Variants in UBR3 observed in about 807,000 individuals in gnomAD.
UBR3 encodes the protein ubiquitin protein ligase E3 component n-recognin 3.
Under a neutral mutation model 243.2 loss-of-function variants are expected in UBR3, and 85 were observed. That is an observed-to-expected ratio of 0.35 (90% CI 0.29 to 0.42). The LOEUF is 0.42. Among genes scored for constraint, UBR3 ranks in the 10% least tolerant of loss-of-function variants. UBR3 has a pLI of 1.00. For synonymous variants in UBR3, 748 were observed against 799.8 expected (o/e 0.94, Z 1.09); for missense variants, 1,686 against 2,300.8 (o/e 0.73, Z 5.47).
chr2:170,037,437 G>T (rs1001105895), intron 31 of UBR3, among the ~76,000 whole-genome samples: 13 of 151,992 alleles, frequency 8.6e-5, no homozygotes, highest in African/African-American at 3.1e-4. Context: ...ACCCAGGCTG[G>T]AATGCAGTGG....
At chr2:169,973,299 A>G (rs2088260907) in intron 24 of UBR3, among the ~76,000 whole-genome samples, 1 of 144,494 alleles carries the variant, frequency 6.9e-6, no homozygotes, top group Admixed American at 7.0e-5. Context: ...TTCCATGCTC[A>G]TGGGTAGGAA....
intron 1 of UBR3, among the ~76,000 whole-genome samples, chr2:169,841,954 T>C (rs959047357): frequency 2.6e-4 from 40 of 152,332 alleles, no homozygotes; most frequent in Non-Finnish European, 3.2e-4. Flanking sequence ...GCTCCACCTG[T>C]AGCCCCGGTG....
chr2:169,877,446 G>T (rs1163662714), intron 3 of UBR3, 48 bp from the exon 4 acceptor site: 6 of 1,481,158 alleles, frequency 4.1e-6, no homozygotes, highest in South Asian at 2.7e-5. Flanking sequence ...ACCATACTGA[G>T]ATTTTGAATG....
intron 20 of UBR3, among the ~76,000 whole-genome samples, chr2:169,945,687 T>C (rs1198560471): frequency 2.0e-5 from 3 of 152,250 alleles, no homozygotes; most frequent in African/African-American, 7.2e-5. Flanking sequence ...TGGTCTGTTA[T>C]ATCATATTGA....
chr2:169,926,156 C>G (rs1266088597), intron 14 of UBR3, among the ~76,000 whole-genome samples: 1 of 152,180 alleles, frequency 6.6e-6, no homozygotes, highest in East Asian at 1.9e-4. Flanking sequence ...TAGATAAAGA[C>G]AGTGGTTGGC....
At chr2:170,004,571 G>A (rs2089837625) in intron 27 of UBR3, among the ~76,000 whole-genome samples, 3 of 152,132 alleles carry the variant, frequency 2.0e-5, no homozygotes, top group Non-Finnish European at 4.4e-5. Flanking sequence ...AAGGGGGCAG[G>A]GGTGGGGAAG....
chr2:170,060,860 T>C (rs940054540), intron 33 of UBR3, among the ~76,000 whole-genome samples: 10 of 152,180 alleles, frequency 6.6e-5, no homozygotes, highest in Admixed American at 1.3e-4. Flanking sequence ...GTAATTTATA[T>C]GCTGTCTTTT....
intron 1 of UBR3, among the ~76,000 whole-genome samples, chr2:169,849,279 A>G (rs62170270): frequency 0.13 from 19,567 of 152,240 alleles, 1,521 homozygotes; most frequent in Non-Finnish European, 0.17. Context: ...GTGATTGTCT[A>G]TTGTTTTTCA....
rs7585035 is a variant in UBR3, at chr2:169,988,803, T to G, written c.3784+2009T>G. On this transcript the variant is annotated intron_variant, in intron 25 of 38. Transcript: ENST00000272793. ...AGTAAGACCCTATCTTTAAAAAAATTAAAAAAGAAAAAAAGAAACTGACAT... is the reference window on the plus strand; with the variant it reads ...AGTAAGACCCTATCTTTAAAAAAATGAAAAAAGAAAAAAAGAAACTGACAT... 1.6e-3 allele frequency among the ~76,000 whole-genome samples: 247 copies of G among 152,006 alleles called. 2 individuals are homozygous for G. The highest frequency in any genetic ancestry group is 0.01 in the Middle Eastern group (3 of 294).
rs893971371 is a variant in UBR3 at position 169,983,347 on chromosome 2, G to GC, written c.3635-3296dup. Reference sequence around the variant, plus strand: ...GTGATCTTGGCTCACTGTAGCCTCCGCCTCCCAAGTTCAAGTGATTCTCTT... The same window carrying GC: ...GTGATCTTGGCTCACTGTAGCCTCCGCCCTCCCAAGTTCAAGTGATTCTCTT... On this transcript the variant is annotated intron_variant, in intron 24 of 38. Transcript: ENST00000272793. Among the ~76,000 whole-genome samples the GC allele has an allele frequency of 1.1e-4, 15 of 137,538 alleles. No individual in the cohort carries two copies. In the Admixed American group the frequency reaches 1.1e-3, roughly 10 times the overall value. The allele number at this position is 137,538 out of a possible 152,430, so 90.2% of individuals were successfully genotyped here. A position where few individuals can be genotyped will look rare whatever the true frequency, so the allele number is the denominator to read the frequency against.
In UBR3 at chr2:169,827,623, T is replaced by C; in HGVS notation, c.116T>C (p.Leu39Pro). Reference sequence around the variant, plus strand: ...ACCGCCGCGCACCTCAAGGCGGCCCTCAGCCGGCCGGACAACCGCGCAGGT... The same window carrying C: ...ACCGCCGCGCACCTCAAGGCGGCCCCCAGCCGGCCGGACAACCGCGCAGGT... ...AATAAHLKAALSRPDNRAGAE... is the reference protein window; with the variant it reads ...AATAAHLKAAPSRPDNRAGAE... The change falls in exon 1 of 39, where the codon CTC (leucine) becomes CCC (proline). Residue 39 changes from leucine (L) to proline (P), a missense_variant. Coordinates refer to ENST00000272793, the MANE Select transcript of UBR3 (RefSeq NM_172070.4). The C allele has an allele frequency of 7.9e-7, 1 of 1,268,006 alleles. No individual in the cohort carries two copies. The allele number at this position is 1,268,006 out of a possible 1,614,324, so 78.5% of individuals were successfully genotyped here.
At chr2:169,922,288 TA>T (rs748782463) in intron 11 of UBR3, among the ~76,000 whole-genome samples, 2,178 of 122,718 alleles carry the variant, frequency 0.018, 35 homozygotes, top group African/African-American at 0.047. Flanking sequence ...CCTGTCTATT[TA>T]AAAAAAAAAA....
chr2:169,878,807 T>C (rs1482922874), intron 5 of UBR3, among the ~76,000 whole-genome samples: 1 of 152,172 alleles, frequency 6.6e-6, no homozygotes, highest in East Asian at 1.9e-4. Flanking sequence ...TTTTTACTTC[T>C]TGTTTATAAT....
intron 36 of UBR3, among the ~76,000 whole-genome samples, chr2:170,078,692 C>T (rs1318035118): frequency 6.6e-6 from 1 of 152,186 alleles, no homozygotes. Context: ...ATTCCATGGA[C>T]ATCCACCTGT....
intron 23 of UBR3, among the ~76,000 whole-genome samples, chr2:169,952,904 C>T (rs1574274468): frequency 6.6e-6 from 1 of 152,042 alleles, no homozygotes; most frequent in East Asian, 1.9e-4. Context: ...AATCTACTGA[C>T]AAAATTAGAA....
intron 31 of UBR3, among the ~76,000 whole-genome samples, chr2:170,030,965 T>G (rs936210891): frequency 1.3e-5 from 2 of 152,176 alleles, no homozygotes; most frequent in South Asian, 2.1e-4. Context: ...TTTTCCTTAT[T>G]ATTATTTTTC....
chr2:170,059,416 C>CA (rs1289976603), intron 33 of UBR3, among the ~76,000 whole-genome samples: 1 of 152,098 alleles, frequency 6.6e-6, no homozygotes, highest in Non-Finnish European at 1.5e-5. Context: ...TTTAGAGAAA[C>CA]TTAACTATGC....
At chr2:170,067,070 C>T (rs577256426) in intron 35 of UBR3, among the ~76,000 whole-genome samples, 33 of 151,930 alleles carry the variant, frequency 2.2e-4, no homozygotes, top group African/African-American at 7.7e-4. Flanking sequence ...GATGAAGTAA[C>T]TTGCTCAAGA....
At chr2:169,958,269 A>G (rs2087404513) in intron 23 of UBR3, among the ~76,000 whole-genome samples, 169 bp from the exon 24 acceptor site, 1 of 152,204 alleles carries the variant, frequency 6.6e-6, no homozygotes, top group South Asian at 2.1e-4. Flanking sequence ...AAATTAGTAG[A>G]ATCCTTTTAA....
Sources: gnomAD v4.1 joint callset for allele counts (sites outside exome capture counted in the v4.1 genomes callset) on GRCh38, gnomAD v4.1.1 for gene constraint, MANE v1.5 for transcripts, NCBI Gene and HGNC (gene_info 2026-07-23, HGNC 2026-07-21) for gene names.